The following WASF3 variants were observed in gnomAD, a reference collection of about 807,000 sequenced individuals.
WASF3 encodes the protein WASP family member 3.
In WASF3, 11 loss-of-function variants were observed where a neutral mutation model predicts 46.6. The observed-to-expected ratio is 0.24, with a 90% confidence interval of 0.15 to 0.39. The LOEUF is 0.39. Ranked by LOEUF, WASF3 falls within the 10% of genes least tolerant of loss-of-function variation. The pLI is 1.00. For missense variants in WASF3, 576 were observed against 669.8 expected (o/e 0.86, Z 1.55); for synonymous variants, 242 against 259.7 (o/e 0.93, Z 0.65).
chr13:26,669,238 G>A (rs1413680000), intron 5 of WASF3, among the ~76,000 whole-genome samples: 1 of 113,106 alleles, frequency 8.8e-6, no homozygotes, highest in Admixed American at 1.2e-4. Context: ...TTGAGATGGA[G>A]TCTCGCTCTG....
chr13:26,673,557 C>T (rs1882980256), intron 6 of WASF3, among the ~76,000 whole-genome samples: 1 of 152,098 alleles, frequency 6.6e-6, no homozygotes, highest in Non-Finnish European at 1.5e-5. Context: ...TATAGGTCCG[C>T]TTCATATGGA....
intron 2 of WASF3, chr13:26,638,332 A>T (rs1490339366): frequency 6.6e-6 from 1 of 152,236 alleles, no homozygotes; most frequent in Non-Finnish European, 1.5e-5. Flanking sequence ...TCTGGGATCT[A>T]GTTCACAGTT....
chr13:26,575,730 A>G (rs961868302), intron 1 of WASF3, among the ~76,000 whole-genome samples: 6 of 152,000 alleles, frequency 3.9e-5, no homozygotes, highest in Non-Finnish European at 7.4e-5. Flanking sequence ...TATTTTTAGT[A>G]TTTATTTATT....
At position 26,682,518 on chromosome 13, in the gene WASF3, T is replaced by C. The variant is rs2137516057; in HGVS notation, c.984-89T>C. ...TTCAGGTGACAATACGTGTTGTGTC[T>C]GGGGATGGCTCCGTTAGGTGTCTAA... On this transcript the variant is annotated intron_variant, in intron 8 of 9. Coordinates refer to ENST00000335327, the MANE Select transcript of WASF3 (RefSeq NM_006646.6). This position sits in a 1 kb window ranked among gnomAD's most constrained non-coding sequence, Gnocchi z 4.4. 1 of 1,511,064 alleles carries C rather than the reference T, an allele frequency of 6.6e-7. No individual in the cohort carries two copies. The highest frequency in any genetic ancestry group is 2.3e-5 in the East Asian group (1 of 44,346). 93.6% of individuals were successfully genotyped at this position (1,511,064 alleles called of 1,614,324 possible). A position where few individuals can be genotyped will look rare whatever the true frequency, so the allele number is the denominator to read the frequency against.
At chr13:26,684,933 C>CA (rs1883354983) in intron 9 of WASF3, among the ~76,000 whole-genome samples, 1 of 152,036 alleles carries the variant, frequency 6.6e-6, no homozygotes, top group African/African-American at 2.4e-5. Flanking sequence ...AAAGAAAATA[C>CA]AAAATTTAAC....
intron 2 of WASF3, among the ~76,000 whole-genome samples, chr13:26,621,040 CA>C (rs1881289813): frequency 6.6e-6 from 1 of 152,150 alleles, no homozygotes; most frequent in Non-Finnish European, 1.5e-5. Context: ...CTTCCATCCT[CA>C]AACGTCTGTT....
intron 2 of WASF3, among the ~76,000 whole-genome samples, chr13:26,620,020 G>A (rs903267544): frequency 2.6e-5 from 4 of 152,158 alleles, no homozygotes; most frequent in African/African-American, 9.7e-5. Context: ...GATGTGGTGG[G>A]CAGAGCACCA....
intron 1 of WASF3, among the ~76,000 whole-genome samples, chr13:26,585,624 T>C (rs1265202593): frequency 1.3e-5 from 2 of 152,148 alleles, no homozygotes; most frequent in African/African-American, 4.8e-5. Flanking sequence ...ATGCCTTTCA[T>C]ATAGTAGGGG....
intron 9 of WASF3, among the ~76,000 whole-genome samples, chr13:26,683,549 G>A (rs1035648973): frequency 1.3e-5 from 2 of 151,512 alleles, no homozygotes; most frequent in East Asian, 3.9e-4. Context: ...TGAAGTGATC[G>A]ATTAATTAAT....
At chr13:26,628,999 G>C (rs575501753) in intron 2 of WASF3, among the ~76,000 whole-genome samples, 1 of 152,318 alleles carries the variant, frequency 6.6e-6, no homozygotes, top group South Asian at 2.1e-4. Context: ...GCCTTGAAAA[G>C]GCTGGCCCAG....
intron 5 of WASF3, among the ~76,000 whole-genome samples, chr13:26,670,365 G>A (rs1297170887): frequency 6.6e-6 from 1 of 151,928 alleles, no homozygotes; most frequent in Non-Finnish European, 1.5e-5. Flanking sequence ...GGACAAGGGG[G>A]AGGGATAGCA....
chr13:26,652,527 C>T (rs1225828854), intron 3 of WASF3, among the ~76,000 whole-genome samples: 1 of 152,172 alleles, frequency 6.6e-6, no homozygotes, highest in Admixed American at 6.5e-5. Flanking sequence ...CTTAATTCAT[C>T]TTTGTATACC....
intron 1 of WASF3, among the ~76,000 whole-genome samples, chr13:26,579,135 G>A (rs1172624727): frequency 6.6e-6 from 1 of 151,070 alleles, no homozygotes; most frequent in East Asian, 2.0e-4. Flanking sequence ...GAGTAGCTTG[G>A]ACTACTGGTG....
intron 1 of WASF3, among the ~76,000 whole-genome samples, chr13:26,579,309 G>A (rs1440248909): frequency 6.6e-6 from 1 of 151,862 alleles, no homozygotes; most frequent in African/African-American, 2.4e-5. Flanking sequence ...CTAGAGAAGG[G>A]GAAAGATAGT....
At chr13:26,568,889 T>G (rs1879550972) in intron 1 of WASF3, among the ~76,000 whole-genome samples, 1 of 152,210 alleles carries the variant, frequency 6.6e-6, no homozygotes, top group Admixed American at 6.5e-5. Context: ...AGTTGCACAA[T>G]GTACGTCTCA....
At chr13:26,615,449 C>G (rs1239547263) in intron 2 of WASF3, among the ~76,000 whole-genome samples, 2 of 152,082 alleles carry the variant, frequency 1.3e-5, no homozygotes, top group African/African-American at 2.4e-5. Context: ...GCTGGGGTTA[C>G]AGGCATGTGC....
At chr13:26,662,898 CATACT>C (rs1882672570) in intron 3 of WASF3, among the ~76,000 whole-genome samples, 1 of 126,952 alleles carries the variant, frequency 7.9e-6, no homozygotes, top group Non-Finnish European at 1.8e-5. Flanking sequence ...TACACATACA[CATACT>C]TATTAGATTT....
intron 3 of WASF3, among the ~76,000 whole-genome samples, chr13:26,646,407 CA>C (rs1882151626): frequency 1.3e-5 from 2 of 152,146 alleles, no homozygotes; most frequent in African/African-American, 4.8e-5. Flanking sequence ...ATTCCTGTGA[CA>C]AAGTCAAAAC....
At chr13:26,547,068 C>A in the WASF3 span, among the ~76,000 whole-genome samples, 6 of 151,580 alleles carry the variant, frequency 4.0e-5, no homozygotes, top group East Asian at 9.7e-4. Flanking sequence ...CACCTAGATT[C>A]GTTTTATTTA....
Sources: allele counts gnomAD v4.1 joint callset (sites outside exome capture counted in the v4.1 genomes callset), GRCh38; gene constraint gnomAD v4.1.1; non-coding constraint Gnocchi (gnomAD v3.1); transcripts MANE v1.5; gene names NCBI Gene and HGNC (gene_info 2026-07-23, HGNC 2026-07-21).